The following PRMT3 variants were observed in gnomAD, a reference collection of about 807,000 sequenced individuals.
PRMT3 encodes protein arginine methyltransferase 3.
A neutral mutation model predicts 71.9 loss-of-function variants in PRMT3; 62 were observed. The ratio of observed to expected loss-of-function variants is 0.86; its 90% CI spans 0.70 to 1.07. The LOEUF is 1.07. Among genes scored for constraint, PRMT3 ranks in the 50% least tolerant of loss-of-function variants. The pLI, the probability that PRMT3 is intolerant of heterozygous loss-of-function variation, is 0.00. For synonymous variants in PRMT3, 213 were observed against 220.4 expected (o/e 0.97, Z 0.30); for missense variants, 663 against 643.0 (o/e 1.03, Z -0.34).
chr11:20,480,058 G>GT (rs1241305828), intron 13 of PRMT3, among the ~76,000 whole-genome samples: 7 of 152,180 alleles, frequency 4.6e-5, no homozygotes, highest in Non-Finnish European at 1.0e-4. Flanking sequence ...GGGCGCAGTG[G>GT]TTTACACCTG....
rs1850455107 is a variant in PRMT3, at chr11:20,464,341, A to G, written c.1261-119A>G. 2.2e-6 allele frequency: 3 copies of G among 1,374,322 alleles called. No homozygotes were observed. The South Asian group carries it at 4.9e-5, about 22-fold the overall frequency. 85.1% of individuals were successfully genotyped at this position (1,374,322 alleles called of 1,614,324 possible). ...TAAAGTTTGCAAAACTTTGGTTTCC[A>G]ATAATCATTTGTGCATAAAAGAAGT... On this transcript the variant is annotated intron_variant, in intron 12 of 15. Transcript: ENST00000331079.
chr11:20,455,211 A>C (rs1850241744), intron 11 of PRMT3, among the ~76,000 whole-genome samples: 1 of 152,296 alleles, frequency 6.6e-6, no homozygotes, highest in Non-Finnish European at 1.5e-5. Context: ...AACATAGAAT[A>C]TAAATGTTTT....
intron 13 of PRMT3, among the ~76,000 whole-genome samples, chr11:20,478,877 G>A (rs148838255): frequency 5.7e-4 from 87 of 152,196 alleles, no homozygotes; most frequent in African/African-American, 1.9e-3. Flanking sequence ...CTTATTTCTA[G>A]GTATTAAATT....
At chr11:20,475,454 G>A (rs116516986) in intron 13 of PRMT3, among the ~76,000 whole-genome samples, 197 of 152,226 alleles carry the variant, frequency 1.3e-3, no homozygotes, top group African/African-American at 4.6e-3. Context: ...GCTGCAGACT[G>A]CAGCTGCTTC....
chr11:20,415,977 A>G (rs1291576117), intron 9 of PRMT3, among the ~76,000 whole-genome samples: 1 of 152,062 alleles, frequency 6.6e-6, no homozygotes, highest in Non-Finnish European at 1.5e-5. Context: ...CATACTTGAC[A>G]TTTTCTTCCC....
intron 10 of PRMT3, among the ~76,000 whole-genome samples, chr11:20,436,497 G>A (rs1447257287): frequency 6.6e-6 from 1 of 152,126 alleles, no homozygotes; most frequent in African/African-American, 2.4e-5. Flanking sequence ...TTATCATGAA[G>A]GGATGTTGAA....
intron 11 of PRMT3, among the ~76,000 whole-genome samples, chr11:20,458,993 A>T (rs1223628973): frequency 8.6e-6 from 1 of 116,794 alleles, no homozygotes; most frequent in Non-Finnish European, 1.8e-5. Flanking sequence ...AAATTTTTTC[A>T]GTAAAAGGCC....
At chr11:20,392,618 C>CT (rs1848739316) in intron 4 of PRMT3, among the ~76,000 whole-genome samples, 2 of 140,970 alleles carry the variant, frequency 1.4e-5, no homozygotes, top group African/African-American at 5.3e-5. Context: ...TTTTCAGATA[C>CT]TTTGTTTTTT....
intron 13 of PRMT3, among the ~76,000 whole-genome samples, chr11:20,468,978 T>C (rs1850579998): frequency 6.6e-6 from 1 of 152,226 alleles, no homozygotes; most frequent in African/African-American, 2.4e-5. Context: ...TAACATGTGA[T>C]ATTTATATGT....
At chr11:20,429,101 A>G (rs1385377449) in intron 10 of PRMT3, among the ~76,000 whole-genome samples, 48 of 151,976 alleles carry the variant, frequency 3.2e-4, no homozygotes, top group Non-Finnish European at 2.9e-5. Flanking sequence ...CTCTTTTCCT[A>G]GTTTGTGCTT....
chr11:20,424,416 A>C (rs1393029124), intron 9 of PRMT3, among the ~76,000 whole-genome samples: 1 of 152,336 alleles, frequency 6.6e-6, no homozygotes, highest in Non-Finnish European at 1.5e-5. Context: ...CAAAGATATC[A>C]AAGTAATTCC....
At chr11:20,475,547 T>G (rs1468483638) in intron 13 of PRMT3, among the ~76,000 whole-genome samples, 1 of 146,290 alleles carries the variant, frequency 6.8e-6, no homozygotes, top group Admixed American at 7.0e-5. Flanking sequence ...AACATTGTTA[T>G]GTGGCACATG....
At chr11:20,439,555 T>C (rs572374539) in intron 10 of PRMT3, among the ~76,000 whole-genome samples, 11 of 152,364 alleles carry the variant, frequency 7.2e-5, no homozygotes, top group African/African-American at 2.2e-4. Context: ...CTTGCTGATA[T>C]CACTCTCCAA....
intron 9 of PRMT3, among the ~76,000 whole-genome samples, chr11:20,422,132 A>G (rs778853847): frequency 2.6e-5 from 4 of 152,190 alleles, no homozygotes; most frequent in Non-Finnish European, 5.9e-5. Context: ...TTGGGGATCA[A>G]TCAAGCCAGT....
intron 8 of PRMT3, 38 bp downstream of exon 8, chr11:20,403,022 T>G: frequency 6.9e-7 from 1 of 1,455,280 alleles, no homozygotes; most frequent in Non-Finnish European, 9.6e-7. Context: ...CATTTCATCT[T>G]GTTCTTGGGC....
chr11:20,499,295 C>T (rs1851402942), intron 15 of PRMT3, among the ~76,000 whole-genome samples: 1 of 152,088 alleles, frequency 6.6e-6, no homozygotes, highest in African/African-American at 2.4e-5. Context: ...CTGGTGGAGA[C>T]AGAATGGAAT....
chr11:20,441,262 TTTTTA>T (rs1416993222), intron 10 of PRMT3, among the ~76,000 whole-genome samples: 11 of 128,084 alleles, frequency 8.6e-5, no homozygotes, highest in Non-Finnish European at 1.5e-4. Context: ...TGTTACTAAC[TTTTTA>T]TTTATTTATT....
intron 13 of PRMT3, among the ~76,000 whole-genome samples, chr11:20,481,675 G>C (rs1409977208): frequency 6.6e-6 from 1 of 151,982 alleles, no homozygotes; most frequent in Non-Finnish European, 1.5e-5. Context: ...ATAAAATAAT[G>C]TTTTGTCTTA....
chr11:20,449,402 A>T (rs1227078676), intron 10 of PRMT3, among the ~76,000 whole-genome samples: 11 of 152,140 alleles, frequency 7.2e-5, no homozygotes, highest in Non-Finnish European at 1.0e-4. Context: ...TAACAAATGT[A>T]GTATAATACA....
Sources: gnomAD v4.1 joint callset for allele counts (sites outside exome capture counted in the v4.1 genomes callset) on GRCh38, gnomAD v4.1.1 for gene constraint, MANE v1.5 for transcripts, NCBI Gene and HGNC (gene_info 2026-07-23, HGNC 2026-07-21) for gene names.